Variants in SEL1L observed in about 807,000 individuals in gnomAD.
The protein encoded by SEL1L is SEL1L adaptor subunit of SYVN1 ubiquitin ligase, also known as protein sel-1 homolog 1.
A neutral mutation model predicts 109.8 loss-of-function variants in SEL1L; 52 were observed. That is an observed-to-expected ratio of 0.47 (90% CI 0.38 to 0.60). The LOEUF (loss-of-function observed/expected upper bound fraction) is 0.60. Among genes scored for constraint, SEL1L ranks in the 20% least tolerant of loss-of-function variants. The pLI is 0.00. For synonymous variants in SEL1L, 373 were observed against 339.6 expected, an observed-to-expected ratio of 1.10 and a Z score of -1.08; for missense variants, 749 against 962.2, an observed-to-expected ratio of 0.78 and a Z score of 2.93.
chr14:81,477,205 C>T, intron 20 of SEL1L, 24 bp from the exon 21 acceptor site: 13 of 1,555,212 alleles, frequency 8.4e-6, no homozygotes, highest in Non-Finnish European at 1.2e-5. Flanking sequence ...ATATAGAAAC[C>T]ATTATTATCA....
intron 3 of SEL1L, among the ~76,000 whole-genome samples, chr14:81,512,482 T>C (rs1206977774): frequency 6.6e-6 from 1 of 152,210 alleles, no homozygotes; most frequent in Non-Finnish European, 1.5e-5. Flanking sequence ...CTTCTGAAAA[T>C]GCTTCTGCTC....
At chr14:81,490,524 C>G (rs2139998755) in intron 12 of SEL1L, 59 bp from the exon 13 acceptor site, 1 of 1,303,456 alleles carries the variant, frequency 7.7e-7, no homozygotes, top group South Asian at 1.2e-5. Flanking sequence ...TTACATTTTT[C>G]TCCTTTCTCA....
At chr14:81,490,746 C>CA in intron 12 of SEL1L, among the ~76,000 whole-genome samples, 1 of 152,042 alleles carries the variant, frequency 6.6e-6, no homozygotes, top group East Asian at 1.9e-4. Flanking sequence ...ACTAAAAATA[C>CA]AAAAATTAGC....
chr14:81,495,685 C>T (rs1263788978), intron 10 of SEL1L, among the ~76,000 whole-genome samples: 1 of 151,948 alleles, frequency 6.6e-6, no homozygotes, highest in Non-Finnish European at 1.5e-5. Context: ...GCCTGTAATC[C>T]CAGCACTTTT....
intron 6 of SEL1L, among the ~76,000 whole-genome samples, chr14:81,501,286 G>T (rs1384978967): frequency 2.0e-5 from 3 of 152,142 alleles, no homozygotes; most frequent in Non-Finnish European, 4.4e-5. Flanking sequence ...GGTTTTGTCT[G>T]TTGCATCAAC....
In SEL1L at chr14:81,473,206, A is replaced by G. The variant is rs551868686; in HGVS notation, c.*3766T>C. On this transcript the variant is annotated 3_prime_UTR_variant, in exon 21 of 21. Coordinates refer to ENST00000336735, the MANE Select transcript of SEL1L (RefSeq NM_005065.6). The stretch of plus-strand genomic sequence containing the variant: ...TTATGAGTTTATTTTCTAATCAAAG[A>G]GAATAGTGTCAGCCTGTTTCTCAAA... 6.6e-6 allele frequency: 1 copy of G among 152,332 alleles called. No individual in the cohort carries two copies. The highest frequency in any genetic ancestry group is 2.4e-5 in the African/African-American group (1 of 41,578). The allele number at this position is 152,332 out of a possible 1,614,324, so 9.4% of individuals were successfully genotyped here.
intron 1 of SEL1L, among the ~76,000 whole-genome samples, chr14:81,532,243 T>C (rs897259229): frequency 6.6e-6 from 1 of 152,206 alleles, no homozygotes; most frequent in Admixed American, 6.5e-5. Context: ...TTCATTACTG[T>C]AGTTCTCTTT....
chr14:81,473,056 CA>C lies in SEL1L; in HGVS notation c.*3915del, dbSNP rs1392940168. 1 of 152,616 alleles carries C rather than the reference CA, an allele frequency of 6.6e-6. No individual in the cohort carries two copies. Among genetic ancestry groups the C allele is most frequent in the Admixed American group, 6.5e-5 (1 of 15,302 alleles). The allele number at this position is 152,616 out of a possible 1,614,324, so 9.5% of individuals were successfully genotyped here. On this transcript the variant is annotated 3_prime_UTR_variant, in exon 21 of 21. Coordinates refer to ENST00000336735, the MANE Select transcript of SEL1L (RefSeq NM_005065.6). Reference sequence around the variant, plus strand: ...CCTTTATACTGCATTTCATTAAATACAAAATACATTTACAAAAAGAGTCTAC... The same window carrying C: ...CCTTTATACTGCATTTCATTAAATACAAATACATTTACAAAAAGAGTCTAC...
At chr14:81,493,949 G>A (rs1883641774) in intron 11 of SEL1L, among the ~76,000 whole-genome samples, 2 of 152,058 alleles carry the variant, frequency 1.3e-5, no homozygotes, top group Admixed American at 1.3e-4. Context: ...GTTGACTTCT[G>A]AACATTAAAG....
At chr14:81,490,314 T>G in intron 13 of SEL1L, 74 bp downstream of exon 13, 1 of 1,133,614 alleles carries the variant, frequency 8.8e-7, no homozygotes, top group Non-Finnish European at 1.3e-6. Flanking sequence ...GATTAACCCT[T>G]TAATATAACA....
At position 81,473,104 on chromosome 14, in the gene SEL1L, C is replaced by T. The variant is rs1252960365; in HGVS notation, c.*3868G>A. ...CTACCATGGTGTTCCTTCACAATGC[C>T]AGCTTAAGGTCTTTTAAAACTTCCT... On this transcript the variant is annotated 3_prime_UTR_variant, in exon 21 of 21. Transcript: ENST00000336735. 6.6e-6 allele frequency: 1 copy of T among 152,236 alleles called. No homozygotes were observed. The highest frequency in any genetic ancestry group is 1.9e-4 in the East Asian group (1 of 5,204). The allele number at this position is 152,236 out of a possible 1,614,324, so 9.4% of individuals were successfully genotyped here.
intron 3 of SEL1L, among the ~76,000 whole-genome samples, chr14:81,512,744 T>C (rs1051989770): frequency 6.6e-6 from 1 of 152,238 alleles, no homozygotes. Flanking sequence ...ACAAAACCTG[T>C]TCCTTTTAAA....
rs1424801476 is a variant in SEL1L at position 81,474,203 on chromosome 14, T to C, written c.*2769A>G. ...ATTGACTGCTAATCAAAAATAAGCCTTACCTAGAAAACAGAAACTGAAACT... is the reference window on the plus strand; with the variant it reads ...ATTGACTGCTAATCAAAAATAAGCCCTACCTAGAAAACAGAAACTGAAACT... On this transcript the variant is annotated 3_prime_UTR_variant, in exon 21 of 21. Transcript: ENST00000336735. The C allele has an allele frequency of 6.7e-6, 1 of 150,258 alleles. No homozygotes were observed. The highest frequency in any genetic ancestry group is 1.5e-5 in the Non-Finnish European group (1 of 67,712). 9.3% of individuals were successfully genotyped at this position (150,258 alleles called of 1,614,324 possible).
chr14:81,523,564 A>C lies in SEL1L; in HGVS notation c.340+3169T>G, dbSNP rs1297688400. Among the ~76,000 whole-genome samples, 3 of 152,162 alleles carry C rather than the reference A, an allele frequency of 2.0e-5. No individual in the cohort carries two copies. In the East Asian group the frequency reaches 5.8e-4, roughly 29 times the overall value. On this transcript the variant is annotated intron_variant, in intron 3 of 20. Coordinates refer to ENST00000336735, the MANE Select transcript of SEL1L (RefSeq NM_005065.6). ...CATTTATCATGCTTCCCAGAGTCCT[A>C]AGTGCTAGCAAATTAATTGAACCCA...
Position 81,533,805 on chromosome 14 carries a change from C to T in SEL1L, c.-61G>A. The stretch of plus-strand genomic sequence containing the variant: ...TCGCCTTCGCCTCTGCCACCACGGA[C>T]TCAGCCACCACCGCCGCCTCGCCGC... On this transcript the variant is annotated 5_prime_UTR_variant, in exon 1 of 21. Transcript: ENST00000336735. 2.0e-6 allele frequency: 3 copies of T among 1,518,824 alleles called. No individual in the cohort carries two copies. Among genetic ancestry groups the T allele is most frequent in the South Asian group, 1.2e-5 (1 of 86,740 alleles). The allele number at this position is 1,518,824 out of a possible 1,614,324, so 94.1% of individuals were successfully genotyped here.
rs1957540 is a variant in SEL1L at position 81,532,620 on chromosome 14, A to G, written c.70+1055T>C. 6.0e-3 allele frequency among the ~76,000 whole-genome samples: 913 copies of G among 152,274 alleles called. 10 individuals are homozygous for G. Among genetic ancestry groups the G allele is most frequent in the African/African-American group, 0.021 (865 of 41,538 alleles). On this transcript the variant is annotated intron_variant, in intron 1 of 20. Transcript: ENST00000336735. ...ACATCATGGATAGAATTTAGGTTTA[A>G]GCCTCTTATTTTAGAAGCAGAATGA...
At chr14:81,485,582 G>T in intron 18 of SEL1L, 90 bp downstream of exon 18, 2 of 1,131,508 alleles carry the variant, frequency 1.8e-6, no homozygotes, top group East Asian at 2.3e-5. Context: ...GTGAGCCACA[G>T]TACTCGGCTT....
intron 3 of SEL1L, among the ~76,000 whole-genome samples, chr14:81,511,110 A>G (rs1315178966): frequency 6.6e-6 from 1 of 152,230 alleles, no homozygotes; most frequent in African/African-American, 2.4e-5. Flanking sequence ...GCTTTCACCA[A>G]AAGTTGAAAA....
chr14:81,483,583 A>G (rs996403815), intron 19 of SEL1L, among the ~76,000 whole-genome samples: 2 of 152,188 alleles, frequency 1.3e-5, no homozygotes, highest in African/African-American at 4.8e-5. Context: ...ACTTGCTTGT[A>G]TATTTCTAAA....
Sources: gnomAD v4.1 joint callset for allele counts (sites outside exome capture counted in the v4.1 genomes callset) on GRCh38, gnomAD v4.1.1 for gene constraint, MANE v1.5 for transcripts, NCBI Gene and HGNC (gene_info 2026-07-23, HGNC 2026-07-21) for gene names.